PPARGC1A: variants seen among roughly 807,000 people sequenced by gnomAD.
The protein encoded by PPARGC1A is PPARG coactivator 1 alpha.
In PPARGC1A, 25 loss-of-function variants were observed where a neutral mutation model predicts 88.7. That is an observed-to-expected ratio of 0.28 (90% CI 0.21 to 0.39). The LOEUF (loss-of-function observed/expected upper bound fraction) is 0.39, where lower values mean the gene tolerates loss of function less well. PPARGC1A is among the 10% of genes least tolerant of loss of function. The pLI, the probability that PPARGC1A is intolerant of heterozygous loss-of-function variation, is 1.00. For missense variants in PPARGC1A, 880 were observed against 968.7 expected (o/e 0.91, Z 1.22); for synonymous variants, 363 against 355.6 (o/e 1.02, Z -0.24).
At chr4:23,908,874 A>G (rs1213081990), upstream of PPARGC1A, among the ~76,000 whole-genome samples, 5 of 152,200 alleles carry the variant, frequency 3.3e-5, no homozygotes, top group Non-Finnish European at 7.3e-5. Context: ...AAATGTGTAG[A>G]ACACAAGATA....
the PPARGC1A span, among the ~76,000 whole-genome samples, chr4:24,390,067 T>C: frequency 0.046 from 6,614 of 142,458 alleles, 512 homozygotes; most frequent in African/African-American, 0.17. Flanking sequence ...TGTAAGTAAC[T>C]TATTTTTTTT....
the PPARGC1A span, among the ~76,000 whole-genome samples, chr4:24,444,909 T>C: frequency 0.34 from 52,121 of 151,924 alleles, 9,112 homozygotes; most frequent in Admixed American, 0.43. Context: ...AAAAATTAGC[T>C]GGACGTGGTG....
At chr4:24,312,366 C>G in the PPARGC1A span, among the ~76,000 whole-genome samples, 2 of 148,014 alleles carry the variant, frequency 1.4e-5, no homozygotes, top group African/African-American at 5.0e-5. Flanking sequence ...CAAATTAACT[C>G]AACATATTTA....
At chr4:23,854,040 C>T (rs1729764077) in intron 2 of PPARGC1A, among the ~76,000 whole-genome samples, 1 of 152,158 alleles carries the variant, frequency 6.6e-6, no homozygotes, top group Admixed American at 6.5e-5. Context: ...TACTGCCTGG[C>T]ACATAGAAAC....
In PPARGC1A at chr4:23,795,779, G is replaced by T; in HGVS notation, c.*43C>A. The T allele has an allele frequency of 6.8e-7, 1 of 1,471,456 alleles. No individual in the cohort carries two copies. The highest frequency in any genetic ancestry group is 9.4e-7 in the Non-Finnish European group (1 of 1,066,810). 91.1% of individuals were successfully genotyped at this position (1,471,456 alleles called of 1,614,324 possible). A position where few individuals can be genotyped will look rare whatever the true frequency, so the allele number is the denominator to read the frequency against. On this transcript the variant is annotated 3_prime_UTR_variant, in exon 13 of 13. Transcript: ENST00000264867. ...TTTAGGGAAGGACGCGCTGTCCCAT[G>T]AGGTATTCGCCATCCCTCTGTCATC...
the PPARGC1A span, among the ~76,000 whole-genome samples, chr4:24,202,322 T>G: frequency 6.6e-6 from 1 of 152,214 alleles, no homozygotes; most frequent in Non-Finnish European, 1.5e-5. Context: ...CTGCTTCATA[T>G]AGCCTGCCTC....
At chr4:24,307,252 C>T in the PPARGC1A span, among the ~76,000 whole-genome samples, 8 of 152,184 alleles carry the variant, frequency 5.3e-5, no homozygotes, top group African/African-American at 1.9e-4. Flanking sequence ...ACACAGATTT[C>T]ACCCATCTTG....
intron 3 of PPARGC1A, 146 bp from the exon 4 acceptor site, chr4:23,829,731 T>G: frequency 2.9e-6 from 2 of 695,874 alleles, no homozygotes; most frequent in Non-Finnish European, 4.2e-6. Context: ...CTTAGCGCAA[T>G]AGTGCTACAG....
the PPARGC1A span, among the ~76,000 whole-genome samples, chr4:24,162,607 T>TC: frequency 6.6e-6 from 1 of 151,530 alleles, no homozygotes; most frequent in African/African-American, 2.4e-5. Context: ...TTTTTTTTTT[T>TC]TGAGATGGAA....
At chr4:23,913,269 GAGAGAGAGA>G in the PPARGC1A span, among the ~76,000 whole-genome samples, 14 of 29,322 alleles carry the variant, frequency 4.8e-4, no homozygotes, top group Non-Finnish European at 8.1e-4. Context: ...TATATATATA[GAGAGAGAGA>G]GAGAGAGAGA....
chr4:23,830,770 A>G (rs1414099249), intron 3 of PPARGC1A, among the ~76,000 whole-genome samples: 1 of 152,224 alleles, frequency 6.6e-6, no homozygotes, highest in African/African-American at 2.4e-5. Context: ...ATAGATGAGA[A>G]GGTAAACTGT....
the PPARGC1A span, among the ~76,000 whole-genome samples, chr4:24,000,004 C>T: frequency 3.3e-5 from 5 of 152,166 alleles, no homozygotes; most frequent in Non-Finnish European, 7.4e-5. Context: ...GGGTGAGGCA[C>T]AGTGACTCAG....
upstream of PPARGC1A, among the ~76,000 whole-genome samples, chr4:23,905,722 G>A (rs75585920): frequency 1.7e-3 from 261 of 152,190 alleles, 1 homozygote; most frequent in African/African-American, 6.1e-3. Context: ...CTGATTCTAG[G>A]GATAAAATCA....
At chr4:24,242,195 C>T in the PPARGC1A span, among the ~76,000 whole-genome samples, 1 of 152,206 alleles carries the variant, frequency 6.6e-6, no homozygotes, top group Non-Finnish European at 1.5e-5. Flanking sequence ...CAGTTCTAAA[C>T]CTCCACCTGA....
At chr4:23,928,734 T>A in the PPARGC1A span, among the ~76,000 whole-genome samples, 3 of 128,178 alleles carry the variant, frequency 2.3e-5, no homozygotes, top group Non-Finnish European at 4.7e-5. Context: ...ATAAAGGAAA[T>A]GTGGTACTTA....
chr4:23,796,970 G>T (rs1227118050), intron 12 of PPARGC1A, among the ~76,000 whole-genome samples: 5 of 151,584 alleles, frequency 3.3e-5, no homozygotes, highest in African/African-American at 1.2e-4. Flanking sequence ...GACCTAAAAT[G>T]TTGTTTTGCT....
At chr4:23,846,675 C>T (rs1180362871) in intron 2 of PPARGC1A, among the ~76,000 whole-genome samples, 3 of 152,030 alleles carry the variant, frequency 2.0e-5, no homozygotes, top group East Asian at 3.9e-4. Context: ...TAGCATGTGT[C>T]GGACACTCTT....
the PPARGC1A span, among the ~76,000 whole-genome samples, chr4:24,251,166 A>G: frequency 6.6e-6 from 1 of 152,218 alleles, no homozygotes; most frequent in Non-Finnish European, 1.5e-5. Flanking sequence ...CATTATTATT[A>G]AAATAGCCTA....
chr4:24,366,508 A>G, the PPARGC1A span, among the ~76,000 whole-genome samples: 7 of 152,150 alleles, frequency 4.6e-5, no homozygotes, highest in African/African-American at 1.2e-4. Context: ...TTTATCTTCT[A>G]TATTAAACCT....
Sources: allele counts gnomAD v4.1 joint callset (sites outside exome capture counted in the v4.1 genomes callset), GRCh38; gene constraint gnomAD v4.1.1; transcripts MANE v1.5; gene names NCBI Gene and HGNC (gene_info 2026-07-23, HGNC 2026-07-21).